The following ZYG11B variants were observed in gnomAD, a reference collection of about 807,000 sequenced individuals.
ZYG11B encodes the protein zyg-11 family member B, cell cycle regulator, also known as protein zyg-11 homolog B.
A neutral mutation model predicts 82.4 loss-of-function variants in ZYG11B; 36 were observed. The ratio of observed to expected loss-of-function variants is 0.44; its 90% CI spans 0.33 to 0.58. The LOEUF is 0.58. Among genes scored for constraint, ZYG11B ranks in the 20% least tolerant of loss-of-function variants. The pLI is 0.02. For missense variants in ZYG11B, 552 were observed against 895.6 expected, an observed-to-expected ratio of 0.62 and a Z score of 4.90; for synonymous variants, 303 against 312.8, an observed-to-expected ratio of 0.97 and a Z score of 0.33.
At position 52,756,543 on chromosome 1, in the gene ZYG11B, A is replaced by G; in HGVS notation, c.116A>G (p.Asp39Gly). ...HLEKFCSARQ[D>G]GTLCLQEPGV... ...GAGAAGTTCTGTTCAGCCAGACAAGATGGAACATTGTGTCTGCAGGAACCT... is the reference window on the plus strand; with the variant it reads ...GAGAAGTTCTGTTCAGCCAGACAAGGTGGAACATTGTGTCTGCAGGAACCT... Residue 39 changes from aspartate to glycine, a missense_variant, in exon 2 of 14, where the codon GAT (aspartate) becomes GGT (glycine). By Grantham distance (94) the Asp-to-Gly change is moderately conservative. Coordinates refer to ENST00000294353, the MANE Select transcript of ZYG11B (RefSeq NM_024646.3). 6.2e-7 allele frequency: 1 copy of G among 1,614,114 alleles called. No homozygotes were observed. Among genetic ancestry groups the G allele is most frequent in the Non-Finnish European group, 8.5e-7 (1 of 1,180,034 alleles).
chr1:52,776,229 A>AAAAAATATATATATATATATATATAT lies in ZYG11B; in HGVS notation c.952-3623_952-3622insAAAATATATATATATATATATATATA. On this transcript the variant is annotated intron_variant, in intron 3 of 13. Coordinates refer to ENST00000294353, the MANE Select transcript of ZYG11B (RefSeq NM_024646.3). ...AGCAAAACTCTGTCTTAAAAAAAAA[A>AAAAAATATATATATATATATATATAT]ATATATATATATATATGCAATAAAG... 4.2e-4 allele frequency among the ~76,000 whole-genome samples: 10 copies of AAAAAATATATATATATATATATATAT among 23,536 alleles called. 1 individual carries two copies. Among genetic ancestry groups the AAAAAATATATATATATATATATATAT allele is most frequent in the Non-Finnish European group, 8.1e-4 (7 of 8,658 alleles). The allele number at this position is 23,536 out of a possible 152,430, so 15.4% of individuals were successfully genotyped here. A position where few individuals can be genotyped will look rare whatever the true frequency, so the allele number is the denominator to read the frequency against.
At position 52,733,660 on chromosome 1, in the gene ZYG11B, GATCA is replaced by G. The variant is rs926277714; in HGVS notation, c.30+6994_30+6997del. 4.8e-4 allele frequency among the ~76,000 whole-genome samples: 73 copies of G among 152,180 alleles called. 1 individual carries two copies. In the South Asian group the frequency reaches 0.011, roughly 23 times the overall value. ...TGGGCAACAGAGCAAGACACTGTAAGATCAATCAATCAATCAATCAGAGATATCT... is the reference window on the plus strand; with the variant it reads ...TGGGCAACAGAGCAAGACACTGTAAGATCAATCAATCAATCAGAGATATCT... On this transcript the variant is annotated intron_variant, in intron 1 of 13. Transcript: ENST00000294353.
chr1:52,813,728 G>A lies in ZYG11B; in HGVS notation c.1888G>A (p.Asp630Asn). ...SRSQRNSLLD[D>N]LHSAILKWPT... ...TAGCCAGAGGAATTCTCTGCTGGATGATTTGGTAGGGTCATTCCATACCAA... is the reference window on the plus strand; with the variant it reads ...TAGCCAGAGGAATTCTCTGCTGGATAATTTGGTAGGGTCATTCCATACCAA... The change falls in exon 11 of 14, where the codon GAT becomes AAT. Residue 630 changes from aspartate (D) to asparagine (N), a missense_variant. This residue lies in a region of ZYG11B where 127 missense variants were observed against 163.4 expected (regional missense o/e 0.78). Transcript: ENST00000294353. The A allele has an allele frequency of 6.2e-7, 1 of 1,614,084 alleles. No individual in the cohort carries two copies. The highest frequency in any genetic ancestry group is 8.5e-7 in the Non-Finnish European group (1 of 1,180,014).
intron 1 of ZYG11B, among the ~76,000 whole-genome samples, chr1:52,756,243 G>T (rs1442418912): frequency 6.6e-6 from 1 of 152,132 alleles, no homozygotes; most frequent in African/African-American, 2.4e-5. Context: ...TACTAAAGGG[G>T]CTGTATGTAA....
intron 13 of ZYG11B, among the ~76,000 whole-genome samples, chr1:52,821,103 A>AT (rs966088954): frequency 2.6e-5 from 4 of 151,820 alleles, no homozygotes; most frequent in African/African-American, 7.3e-5. Flanking sequence ...AAAAAAAAAA[A>AT]GCATAGGAAA....
chr1:52,799,553 G>A (rs933595803), intron 8 of ZYG11B, among the ~76,000 whole-genome samples: 4 of 151,420 alleles, frequency 2.6e-5, no homozygotes, highest in Non-Finnish European at 4.4e-5. Flanking sequence ...AATTTGGGAG[G>A]TTGAGGTGGG....
At chr1:52,761,702 A>T (rs556147120) in intron 2 of ZYG11B, among the ~76,000 whole-genome samples, 4 of 152,318 alleles carry the variant, frequency 2.6e-5, no homozygotes, top group African/African-American at 9.6e-5. Flanking sequence ...ATAAATGTCC[A>T]GTAGTGGGAT....
At chr1:52,804,203 C>T (rs1179667310) in intron 10 of ZYG11B, among the ~76,000 whole-genome samples, 1 of 152,064 alleles carries the variant, frequency 6.6e-6, no homozygotes, top group African/African-American at 2.4e-5. Context: ...CTGTGCTCAT[C>T]CTACTGCACT....
rs368586389 is a variant in ZYG11B at position 52,816,658 on chromosome 1, T to A, written c.2044+29T>A. 5.4e-5 allele frequency: 82 copies of A among 1,506,180 alleles called. 1 individual carries two copies. In the African/African-American group the frequency reaches 1.1e-3, roughly 20 times the overall value. The allele number at this position is 1,506,180 out of a possible 1,614,324, so 93.3% of individuals were successfully genotyped here. ...TGTACCAAAAAAAAAGAACTGTGTT[T>A]TTTTTCTTTAAGTGAAATTCTCATT... is the stretch of plus-strand genomic sequence containing the variant. On this transcript the variant is annotated intron_variant, in intron 13 of 13. Coordinates refer to ENST00000294353, the MANE Select transcript of ZYG11B (RefSeq NM_024646.3).
chr1:52,776,229 A>ATATATATATATATATATATATATATATAT lies in ZYG11B; in HGVS notation c.952-3624_952-3623insTATATATATATATATATATATATATATAT, dbSNP rs1553260250. The stretch of plus-strand genomic sequence containing the variant: ...AGCAAAACTCTGTCTTAAAAAAAAA[A>ATATATATATATATATATATATATATATAT]ATATATATATATATATGCAATAAAG... On this transcript the variant is annotated intron_variant, in intron 3 of 13. Transcript: ENST00000294353. Among the ~76,000 whole-genome samples the ATATATATATATATATATATATATATATAT allele has an allele frequency of 5.5e-3, 129 of 23,518 alleles. 20 individuals are homozygous for ATATATATATATATATATATATATATATAT. The highest frequency in any genetic ancestry group is 0.033 in the Middle Eastern group (1 of 30). The allele number at this position is 23,518 out of a possible 152,430, so 15.4% of individuals were successfully genotyped here.
At chr1:52,736,999 T>C (rs1437108699) in intron 1 of ZYG11B, among the ~76,000 whole-genome samples, 1 of 152,172 alleles carries the variant, frequency 6.6e-6, no homozygotes, top group Non-Finnish European at 1.5e-5. Flanking sequence ...TGCTCAGTAA[T>C]ACTGCATGAA....
chr1:52,756,336 G>T, intron 1 of ZYG11B, 122 bp from the exon 2 acceptor site: 12 of 854,678 alleles, frequency 1.4e-5, no homozygotes, highest in Non-Finnish European at 2.0e-5. Context: ...ACAGTGTCTA[G>T]CATATGATAG....
chr1:52,813,480 T>A, intron 10 of ZYG11B, 56 bp from the exon 11 acceptor site: 1 of 1,363,518 alleles, frequency 7.3e-7, no homozygotes, highest in South Asian at 1.4e-5. Context: ...AACAGTTATC[T>A]TAACCATTTA....
At position 52,765,562 on chromosome 1, in the gene ZYG11B, A is replaced by G. The variant is rs145361184; in HGVS notation, c.197-5458A>G. Among the ~76,000 whole-genome samples the G allele has an allele frequency of 7.0e-4, 107 of 152,100 alleles. 1 individual carries two copies. The East Asian group carries it at 0.019, about 27-fold the overall frequency. Reference sequence around the variant, plus strand: ...ACTCTGTCACCCAAGCTAGAGTGCAATCATAGCTTACTATAATCTCAAACT... The same window carrying G: ...ACTCTGTCACCCAAGCTAGAGTGCAGTCATAGCTTACTATAATCTCAAACT... On this transcript the variant is annotated intron_variant, in intron 2 of 13. Transcript: ENST00000294353.
intron 6 of ZYG11B, among the ~76,000 whole-genome samples, chr1:52,795,040 A>G (rs1350404424): frequency 2.0e-5 from 3 of 152,120 alleles, no homozygotes; most frequent in Non-Finnish European, 4.4e-5. Flanking sequence ...CATTCAGAGT[A>G]AAAGCTAGTT....
intron 2 of ZYG11B, among the ~76,000 whole-genome samples, chr1:52,761,011 C>T (rs532357894): frequency 3.3e-5 from 5 of 151,762 alleles, no homozygotes; most frequent in Admixed American, 3.3e-4. Flanking sequence ...GATGCACCTG[C>T]CTTGGTCTCC....
At chr1:52,821,343 A>T in intron 13 of ZYG11B, 96 bp from the exon 14 acceptor site, 1 of 1,285,544 alleles carries the variant, frequency 7.8e-7, no homozygotes, top group Non-Finnish European at 1.0e-6. Context: ...CTAAAAAAAA[A>T]TGGCTCCTAG....
At chr1:52,803,068 C>CTATA (rs547941456) in intron 10 of ZYG11B, among the ~76,000 whole-genome samples, 1 of 88,388 alleles carries the variant, frequency 1.1e-5, no homozygotes, top group African/African-American at 5.0e-5. Context: ...ATTTTTGCCA[C>CTATA]TATATATATA....
chr1:52,811,864 A>G (rs1645186530), intron 10 of ZYG11B, among the ~76,000 whole-genome samples: 1 of 152,126 alleles, frequency 6.6e-6, no homozygotes, highest in Non-Finnish European at 1.5e-5. Context: ...CCCCGTCTCT[A>G]CTAAAAATAC....
Sources: gnomAD v4.1 joint callset for allele counts (sites outside exome capture counted in the v4.1 genomes callset) on GRCh38, gnomAD v4.1.1 for gene constraint, gnomAD v4.1.1 regional missense constraint, MANE v1.5 for transcripts, NCBI Gene and HGNC (gene_info 2026-07-23, HGNC 2026-07-21) for gene names.